The following FOXN3 variants were observed in gnomAD, a reference collection of about 807,000 sequenced individuals.
FOXN3 encodes the protein forkhead box protein N3.
In FOXN3, 7 loss-of-function variants were observed where a neutral mutation model predicts 38.4. The observed-to-expected ratio is 0.18, with a 90% CI of 0.10 to 0.34. The LOEUF is 0.34. Ranked by LOEUF, FOXN3 falls within the 10% of genes least tolerant of loss-of-function variation. The pLI is 1.00. For missense variants in FOXN3, 456 were observed against 613.4 expected (o/e 0.74, Z 2.71); for synonymous variants, 230 against 242.2 (o/e 0.95, Z 0.47).
At chr14:89,202,292 A>G (rs1339777727) in intron 4 of FOXN3, among the ~76,000 whole-genome samples, 1 of 152,224 alleles carries the variant, frequency 6.6e-6, no homozygotes, top group Non-Finnish European at 1.5e-5. Context: ...GCCTCTCATT[A>G]TAGAGACACA....
chr14:89,335,543 A>G (rs1888425130), intron 3 of FOXN3, among the ~76,000 whole-genome samples: 1 of 152,230 alleles, frequency 6.6e-6, no homozygotes, highest in African/African-American at 2.4e-5. Flanking sequence ...CTTAATTTTT[A>G]TACACTTGGG....
At chr14:89,257,703 G>T (rs7156147) in intron 4 of FOXN3, among the ~76,000 whole-genome samples, 94,933 of 151,938 alleles carry the variant, frequency 0.62, 29,620 homozygotes, top group African/African-American at 0.64. Flanking sequence ...TGAGCTATGG[G>T]CACACCACTG....
At chr14:89,309,719 A>G (rs1887476288) in intron 3 of FOXN3, among the ~76,000 whole-genome samples, 1 of 152,118 alleles carries the variant, frequency 6.6e-6, no homozygotes, top group African/African-American at 2.4e-5. Flanking sequence ...GTGCGACGGA[A>G]CCATTTTCTG....
In FOXN3 at chr14:89,427,249, G is replaced by GAA. The variant is rs369140648; in HGVS notation, c.-14-14761_-14-14760dup. ...GTCTCAAAAAAAAAAAAAGAAAAGAGAAGAAAAAGAAAAAGAAGAAAAAAA... is the reference window on the plus strand; with the variant it reads ...GTCTCAAAAAAAAAAAAAGAAAAGAGAAAAGAAAAAGAAAAAGAAGAAAAAAA... On this transcript the variant is annotated intron_variant, in intron 1 of 6. Transcript: ENST00000345097. Among the ~76,000 whole-genome samples the GAA allele has an allele frequency of 2.6e-3, 318 of 121,768 alleles. 13 individuals carry two copies. The East Asian group carries it at 0.063, about 24-fold the overall frequency. 79.9% of individuals were successfully genotyped at this position (121,768 alleles called of 152,430 possible). A position where few individuals can be genotyped will look rare whatever the true frequency, so the allele number is the denominator to read the frequency against.
intron 1 of FOXN3, among the ~76,000 whole-genome samples, chr14:89,604,222 CACA>C (rs1896217827): frequency 1.4e-5 from 2 of 148,012 alleles, no homozygotes; most frequent in African/African-American, 5.0e-5. Context: ...CACACACACA[CACA>C]CACACACACA....
At chr14:89,595,261 C>A (rs1051631248) in intron 1 of FOXN3, among the ~76,000 whole-genome samples, 13 of 151,700 alleles carry the variant, frequency 8.6e-5, no homozygotes, top group African/African-American at 2.9e-4. Context: ...GGAGGCGGAG[C>A]TTGCAGTGAG....
intron 5 of FOXN3, among the ~76,000 whole-genome samples, chr14:89,166,383 C>T (rs1461592290): frequency 6.6e-6 from 1 of 152,072 alleles, no homozygotes; most frequent in African/African-American, 2.4e-5. Context: ...CTGTGTGGGG[C>T]AGAGTTTCCG....
intron 1 of FOXN3, among the ~76,000 whole-genome samples, chr14:89,606,088 G>T (rs1896269450): frequency 6.6e-6 from 1 of 151,888 alleles, no homozygotes; most frequent in Non-Finnish European, 1.5e-5. Context: ...ATGGCACAGA[G>T]ATTAAAAATA....
intron 1 of FOXN3, among the ~76,000 whole-genome samples, chr14:89,434,221 C>CG (rs1892226939): frequency 8.0e-6 from 1 of 124,732 alleles, no homozygotes; most frequent in African/African-American, 3.1e-5. Flanking sequence ...CTGCGCAAGC[C>CG]TTTTTTTTTT....
At chr14:89,599,212 G>T (rs1390742411) in intron 1 of FOXN3, among the ~76,000 whole-genome samples, 1 of 152,010 alleles carries the variant, frequency 6.6e-6, no homozygotes, top group African/African-American at 2.4e-5. Context: ...TTTTTTTAAA[G>T]CTTAATTTTT....
In FOXN3 at chr14:89,164,376, G is replaced by A. The variant is rs1037968488; in HGVS notation, c.852-1407C>T. On this transcript the variant is annotated intron_variant, in intron 5 of 5. Coordinates refer to ENST00000557258, the MANE Select transcript of FOXN3 (RefSeq NM_005197.4). The surrounding 1 kb of genome is among the most constrained non-coding windows in gnomAD (Gnocchi z 4.3). Reference sequence around the variant, plus strand: ...CTGTTCTATGGCACCATGCTGGCCCGGTTTCCTGTAAGCTCATCTACCTCG... The same window carrying A: ...CTGTTCTATGGCACCATGCTGGCCCAGTTTCCTGTAAGCTCATCTACCTCG... Among the ~76,000 whole-genome samples, 11 of 152,142 alleles carry A rather than the reference G, an allele frequency of 7.2e-5. No homozygotes were observed. Among genetic ancestry groups the A allele is most frequent in the South Asian group, 4.1e-4 (2 of 4,824 alleles).
intron 2 of FOXN3, among the ~76,000 whole-genome samples, chr14:89,392,637 C>CTTTTTTT (rs71130072): frequency 3.4e-5 from 4 of 119,302 alleles, no homozygotes; most frequent in East Asian, 2.6e-4. Flanking sequence ...TGTGTCTCGT[C>CTTTTTTT]TTTTTTTTTT....
intron 4 of FOXN3, among the ~76,000 whole-genome samples, chr14:89,220,817 C>T (rs1038600272): frequency 1.3e-5 from 2 of 152,174 alleles, no homozygotes; most frequent in Admixed American, 6.5e-5. Context: ...CCCTGAGAAC[C>T]ATCAGAAAGC....
At chr14:89,590,710 A>G (rs926502834) in intron 1 of FOXN3, among the ~76,000 whole-genome samples, 2 of 152,164 alleles carry the variant, frequency 1.3e-5, no homozygotes, top group Admixed American at 6.5e-5. Flanking sequence ...TCTTCCCCAA[A>G]GAAGGACATA....
In FOXN3 at chr14:89,272,474, T is replaced by G. The variant is rs1566943899; in HGVS notation, c.745+8476A>C. Among the ~76,000 whole-genome samples the G allele has an allele frequency of 2.6e-5, 4 of 152,230 alleles. No homozygotes were observed. In the South Asian group the frequency reaches 8.3e-4, roughly 31 times the overall value. On this transcript the variant is annotated intron_variant, in intron 4 of 5. Transcript: ENST00000557258. ...TAGGAGTAATTATATCTTTAGATTG[T>G]CTATTTTCTATAACAAAGACATATT...
intron 3 of FOXN3, among the ~76,000 whole-genome samples, chr14:89,283,184 T>A (rs1886512646): frequency 1.3e-5 from 2 of 152,220 alleles, no homozygotes; most frequent in South Asian, 4.1e-4. Context: ...CAAAATGACA[T>A]CTTCTAACTG....
chr14:89,508,872 C>T (rs1212054749), intron 1 of FOXN3, among the ~76,000 whole-genome samples: 1 of 152,158 alleles, frequency 6.6e-6, no homozygotes, highest in Admixed American at 6.5e-5. Context: ...CACCACTGTG[C>T]CCTTATGATT....
intron 4 of FOXN3, among the ~76,000 whole-genome samples, chr14:89,206,700 C>T (rs148869763): frequency 5.5e-4 from 83 of 152,280 alleles, no homozygotes; most frequent in African/African-American, 1.9e-3. Flanking sequence ...TAGTGTTATA[C>T]AAGCAAAACG....
chr14:89,277,189 A>C (rs1465616967), intron 4 of FOXN3, among the ~76,000 whole-genome samples: 1 of 152,254 alleles, frequency 6.6e-6, no homozygotes, highest in Non-Finnish European at 1.5e-5. Context: ...TTAGTAAATG[A>C]ATTAAACGAA....
Sources: gnomAD v4.1 joint callset for allele counts (sites outside exome capture counted in the v4.1 genomes callset) on GRCh38, gnomAD v4.1.1 for gene constraint, Gnocchi (gnomAD v3.1) non-coding constraint, MANE v1.5 for transcripts, NCBI Gene and HGNC (gene_info 2026-07-23, HGNC 2026-07-21) for gene names.